The following LPO variants were observed in gnomAD, a reference collection of about 807,000 sequenced individuals.
LPO encodes the protein salivary peroxidase.
LPO carries 70 observed loss-of-function variants against 68.4 expected under a neutral mutation model. The ratio of observed to expected loss-of-function variants is 1.02; its 90% CI spans 0.84 to 1.25. The LOEUF is 1.25. Among genes scored for constraint, LPO ranks in the 50% most tolerant of loss-of-function variants. The pLI is 0.00. For synonymous variants in LPO, 360 were observed against 357.6 expected, an observed-to-expected ratio of 1.01 and a Z score of -0.08; for missense variants, 873 against 908.4, an observed-to-expected ratio of 0.96 and a Z score of 0.50.
At chr17:58,249,844 G>C in intron 6 of LPO, 149 bp downstream of exon 6, 1 of 1,246,492 alleles carries the variant, frequency 8.0e-7, no homozygotes, top group Non-Finnish European at 1.1e-6. Flanking sequence ...TTCCGCTAGA[G>C]GGCAGCAGAG....
At chr17:58,241,223 G>T (rs1969753696) in intron 1 of LPO, among the ~76,000 whole-genome samples, 1 of 140,884 alleles carries the variant, frequency 7.1e-6, no homozygotes, top group African/African-American at 2.7e-5. Context: ...GGATTCTCCT[G>T]CCTCAGTCTC....
intron 1 of LPO, among the ~76,000 whole-genome samples, chr17:58,239,967 T>G (rs1308180105): frequency 6.6e-6 from 1 of 152,186 alleles, no homozygotes; most frequent in Admixed American, 6.5e-5. Context: ...ACACCTATTA[T>G]GTATTGACAT....
intron 1 of LPO, among the ~76,000 whole-genome samples, chr17:58,242,702 G>A (rs1489428105): frequency 6.6e-6 from 1 of 152,190 alleles, no homozygotes; most frequent in Non-Finnish European, 1.5e-5. Flanking sequence ...AGGTCACAGA[G>A]CTATTGGAGC....
Position 58,267,404 on chromosome 17 carries a change from G to T in LPO, c.1749G>T (p.Glu583Asp). 6.2e-7 allele frequency: 1 copy of T among 1,614,242 alleles called. No individual in the cohort carries two copies. Among genetic ancestry groups the T allele is most frequent in the Non-Finnish European group, 8.5e-7 (1 of 1,180,044 alleles). The change falls in exon 12 of 13, where the codon GAG (glutamate) becomes GAT (aspartate). Residue 583 changes from glutamate to aspartate, a missense_variant. Glu to Asp is a conservative substitution (Grantham distance 45). Coordinates refer to ENST00000262290, the MANE Select transcript of LPO (RefSeq NM_006151.3). ...TCTCACAGCCGCAGACACTAGAGGA[G>T]TTGAACACAGTGCTGAAGAGCAAGA... Reference protein sequence around the residue: ...CDLSQPQTLEELNTVLKSKML... With the variant: ...CDLSQPQTLEDLNTVLKSKML...
At chr17:58,241,151 G>GC (rs8178282) in intron 1 of LPO, among the ~76,000 whole-genome samples, 2,999 of 104,224 alleles carry the variant, frequency 0.029, 140 homozygotes, top group African/African-American at 0.11. Context: ...TTTTTTTTGA[G>GC]CCAGGCTGGA....
At chr17:58,256,551 C>G (rs979930904) in intron 9 of LPO, among the ~76,000 whole-genome samples, 3 of 151,932 alleles carry the variant, frequency 2.0e-5, no homozygotes, top group Non-Finnish European at 4.4e-5. Flanking sequence ...CACAGTGGCT[C>G]ATGCCTGTAA....
At position 58,247,500 on chromosome 17, in the gene LPO, G is replaced by A. The variant is rs147244264; in HGVS notation, c.187G>A (p.Glu63Lys). The A allele has an allele frequency of 5.0e-6, 8 of 1,613,734 alleles. No individual in the cohort carries two copies. The South Asian group carries it at 8.8e-5, about 18-fold the overall frequency. The change falls in exon 4 of 13, where the codon GAG becomes AAG. Residue 63 changes from glutamate to lysine, a missense_variant. Glu to Lys is a moderately conservative substitution (Grantham distance 56, BLOSUM62 1). Transcript: ENST00000262290. ...TAGGCTGAAGACCGCCATGAGCTCT[G>A]AGACTCCCACCAGCCGACAGCTCTC... is the stretch of plus-strand genomic sequence containing the variant. Reference protein sequence around the residue: ...RTRLKTAMSSETPTSRQLSEY... With the variant: ...RTRLKTAMSSKTPTSRQLSEY...
intron 2 of LPO, chr17:58,243,768 T>C: frequency 1.7e-6 from 1 of 579,756 alleles, no homozygotes; most frequent in Non-Finnish European, 3.1e-6. Flanking sequence ...TCTAGTGAGA[T>C]CTCAAAGAGC....
chr17:58,259,736 T>C (rs1970141138), intron 9 of LPO, among the ~76,000 whole-genome samples: 1 of 152,238 alleles, frequency 6.6e-6, no homozygotes, highest in Admixed American at 6.5e-5. Context: ...TTTAGATTTT[T>C]TATTTCTTTA....
At chr17:58,246,187 G>T (rs775472275) in intron 3 of LPO, among the ~76,000 whole-genome samples, 45 of 152,202 alleles carry the variant, frequency 3.0e-4, no homozygotes, top group Non-Finnish European at 4.7e-4. Context: ...CATAGGGTCT[G>T]AGGCAGGAAA....
At chr17:58,252,851 G>T (rs1040863862) in intron 8 of LPO, among the ~76,000 whole-genome samples, 2 of 151,474 alleles carry the variant, frequency 1.3e-5, no homozygotes, top group South Asian at 2.1e-4. Flanking sequence ...GTGAAACCCC[G>T]TCTCTTCTAA....
At chr17:58,251,917 C>G in intron 7 of LPO, 1 of 706,902 alleles carries the variant, frequency 1.4e-6, no homozygotes, top group East Asian at 2.8e-5. Context: ...CTCAATACTC[C>G]CTCCTCACCA....
At position 58,252,384 on chromosome 17, in the gene LPO, G is replaced by A; in HGVS notation, c.983G>A (p.Gly328Asp). ...SRLRNLSSPL[G>D]LMAVNQEVSD... Reference sequence around the variant, plus strand: ...CTCCGCAACCTCAGCAGCCCCCTGGGCCTCATGGCTGTCAACCAGGAGGTC... The same window carrying A: ...CTCCGCAACCTCAGCAGCCCCCTGGACCTCATGGCTGTCAACCAGGAGGTC... The change falls in exon 8 of 13, where the codon GGC becomes GAC. Residue 328 changes from glycine (G) to aspartate (D), a missense_variant. Physicochemically the swap from Gly to Asp is moderately conservative, Grantham distance 94 (BLOSUM62 -1). Coordinates refer to ENST00000262290, the MANE Select transcript of LPO (RefSeq NM_006151.3). The A allele has an allele frequency of 6.2e-7, 1 of 1,614,170 alleles. No homozygotes were observed. The highest frequency in any genetic ancestry group is 8.5e-7 in the Non-Finnish European group (1 of 1,180,040).
At chr17:58,245,952 T>C (rs1969846559) in intron 3 of LPO, among the ~76,000 whole-genome samples, 1 of 152,224 alleles carries the variant, frequency 6.6e-6, no homozygotes. Flanking sequence ...TGGTTAGTCC[T>C]TGGACTCAGG....
intron 8 of LPO, among the ~76,000 whole-genome samples, chr17:58,252,915 C>G (rs1427379392): frequency 6.7e-6 from 1 of 149,524 alleles, no homozygotes; most frequent in Non-Finnish European, 1.5e-5. Context: ...CCCAGCTACT[C>G]TGGAGGCTGA....
intron 9 of LPO, 43 bp from the exon 10 acceptor site, chr17:58,264,679 A>G (rs781498703): frequency 2.5e-6 from 4 of 1,608,656 alleles, no homozygotes; most frequent in Non-Finnish European, 3.4e-6. Flanking sequence ...CAGAGGTTTA[A>G]ACCTTCTTAC....
intron 3 of LPO, among the ~76,000 whole-genome samples, chr17:58,246,202 G>A (rs564938783): frequency 2.0e-5 from 3 of 152,298 alleles, no homozygotes; most frequent in East Asian, 3.9e-4. Flanking sequence ...AGGAAAGACC[G>A]TGGGTGCTCA....
At chr17:58,252,851 G>A (rs1040863862) in intron 8 of LPO, among the ~76,000 whole-genome samples, 16 of 151,472 alleles carry the variant, frequency 1.1e-4, no homozygotes, top group African/African-American at 2.2e-4. Context: ...GTGAAACCCC[G>A]TCTCTTCTAA....
intron 9 of LPO, among the ~76,000 whole-genome samples, chr17:58,263,852 G>A (rs1203090149): frequency 1.3e-5 from 2 of 152,180 alleles, no homozygotes; most frequent in South Asian, 4.1e-4. Context: ...CCTGAGCCTT[G>A]CAATGCTATT....
Sources: allele counts gnomAD v4.1 joint callset (sites outside exome capture counted in the v4.1 genomes callset), GRCh38; gene constraint gnomAD v4.1.1; transcripts MANE v1.5; gene names NCBI Gene and HGNC (gene_info 2026-07-23, HGNC 2026-07-21).